The following DNAJC16 variants were observed in gnomAD, a reference collection of about 807,000 sequenced individuals.
The protein encoded by DNAJC16 is dnaJ homolog subfamily C member 16.
DNAJC16 carries 76 observed loss-of-function variants against 92.7 expected under a neutral mutation model. The ratio of observed to expected loss-of-function variants is 0.82; its 90% CI spans 0.68 to 0.99. DNAJC16 has a LOEUF of 0.99. Among genes scored for constraint, DNAJC16 ranks in the 50% least tolerant of loss-of-function variants. The pLI, the probability that DNAJC16 is intolerant of heterozygous loss-of-function variation, is 0.00. For missense variants in DNAJC16, 869 were observed against 942.4 expected (o/e 0.92, Z 1.02); for synonymous variants, 328 against 358.7 (o/e 0.91, Z 0.97).
rs1382138049 is a variant in DNAJC16, at chr1:15,567,998, G to A, written c.2170G>A (p.Gly724Arg). 1.2e-6 allele frequency: 2 copies of A among 1,614,250 alleles called. No individual in the cohort carries two copies. The highest frequency in any genetic ancestry group is 1.3e-5 in the African/African-American group (1 of 75,068). Residue 724 changes from glycine to arginine, a missense_variant, in exon 15 of 15, where the codon GGG becomes AGG. Gly to Arg is a moderately radical substitution (Grantham distance 125). Transcript: ENST00000375847. Reference protein sequence around the residue: ...QKTVEEEEAIGSCSDVDSSLY... With the variant: ...QKTVEEEEAIRSCSDVDSSLY... The stretch of plus-strand genomic sequence containing the variant: ...GACAGTCGAAGAGGAGGAAGCCATA[G>A]GGTCGTGCAGTGATGTTGACTCTTC...
At chr1:15,553,071 G>A (rs552387403) in intron 7 of DNAJC16, among the ~76,000 whole-genome samples, 14 of 151,138 alleles carry the variant, frequency 9.3e-5, no homozygotes, top group Non-Finnish European at 2.1e-4. Flanking sequence ...CGCCCGGCCT[G>A]TCTATTAAGT....
intron 1 of DNAJC16, among the ~76,000 whole-genome samples, chr1:15,528,601 A>G (rs1710578009): frequency 6.6e-6 from 1 of 152,220 alleles, no homozygotes. Flanking sequence ...TTAATGCCCA[A>G]GAATGCCACA....
At chr1:15,559,974 A>C (rs942726991) in intron 8 of DNAJC16, among the ~76,000 whole-genome samples, 1 of 151,896 alleles carries the variant, frequency 6.6e-6, no homozygotes, top group Non-Finnish European at 1.5e-5. Context: ...GAGGCAGGAG[A>C]ATCACTTGAA....
At chr1:15,534,807 C>G (rs1042296093) in intron 3 of DNAJC16, among the ~76,000 whole-genome samples, 1 of 152,166 alleles carries the variant, frequency 6.6e-6, no homozygotes, top group African/African-American at 2.4e-5. Context: ...AAAAACTGGC[C>G]TATTTTAAAG....
intron 7 of DNAJC16, among the ~76,000 whole-genome samples, chr1:15,555,475 G>C (rs1304491042): frequency 6.6e-6 from 1 of 151,752 alleles, no homozygotes; most frequent in Non-Finnish European, 1.5e-5. Context: ...ACCAGGTCAG[G>C]AGTTCGAGAC....
At chr1:15,562,608 C>T (rs1201638215) in intron 9 of DNAJC16, among the ~76,000 whole-genome samples, 1 of 151,834 alleles carries the variant, frequency 6.6e-6, no homozygotes, top group Non-Finnish European at 1.5e-5. Flanking sequence ...ACCTCAGCCT[C>T]CCACATAGCT....
Position 15,562,307 on chromosome 1 carries a change from G to A in DNAJC16, c.1320G>A (p.Ala440=), listed in dbSNP as rs199545965. 133 of 1,613,094 alleles carry A rather than the reference G, an allele frequency of 8.2e-5. No homozygotes were observed. Among genetic ancestry groups the A allele is most frequent in the Middle Eastern group, 1.7e-4 (1 of 6,052 alleles). ...ACACCTTACTACCAGACAGTGAGGC[G>A]TTTCAAGGGAAATCAGCGGTAAGCC... The part of the protein sequence containing the change: ...FADTLLPDSE[A]FQGKSAVSIL... The change falls in exon 9 of 15, where the codon GCG becomes GCA. Residue 440 remains alanine (A), a synonymous_variant. Transcript: ENST00000375847.
chr1:15,543,258 G>C (rs192088050), intron 4 of DNAJC16, among the ~76,000 whole-genome samples: 13 of 152,356 alleles, frequency 8.5e-5, no homozygotes, highest in Non-Finnish European at 1.2e-4. Context: ...TGTGGACCCT[G>C]AGTGTGGGGA....
Position 15,536,473 on chromosome 1 carries a change from A to G in DNAJC16, c.235-2A>G. On this transcript the variant is annotated splice_acceptor_variant, in intron 3 of 14. Transcript: ENST00000375847. LOFTEE classifies it high-confidence loss of function. The stretch of plus-strand genomic sequence containing the variant: ...TGTTTAGATTTTTTTCTTCCTTTAT[A>G]GATTCTTTCAAATGAAGAAAAGAGA... 6.4e-7 allele frequency: 1 copy of G among 1,569,480 alleles called. No homozygotes were observed. Among genetic ancestry groups the G allele is most frequent in the East Asian group, 2.2e-5 (1 of 44,468 alleles).
At chr1:15,547,707 G>T (rs1422580877) in intron 6 of DNAJC16, among the ~76,000 whole-genome samples, 1 of 152,156 alleles carries the variant, frequency 6.6e-6, no homozygotes, top group Admixed American at 6.5e-5. Context: ...CTCCCAAAGT[G>T]CTGGGATTAA....
intron 13 of DNAJC16, among the ~76,000 whole-genome samples, chr1:15,566,865 CAG>C (rs1638822041): frequency 6.6e-6 from 1 of 152,308 alleles, no homozygotes; most frequent in Non-Finnish European, 1.5e-5. Flanking sequence ...GCCTGGAAAA[CAG>C]AGCAAGAACC....
intron 4 of DNAJC16, among the ~76,000 whole-genome samples, chr1:15,539,341 G>C (rs1347765835): frequency 6.6e-6 from 1 of 151,784 alleles, no homozygotes. Context: ...CGCCTCCCAG[G>C]TTCACACCGT....
intron 11 of DNAJC16, among the ~76,000 whole-genome samples, chr1:15,564,811 G>A (rs1638773601): frequency 6.6e-6 from 1 of 150,604 alleles, no homozygotes; most frequent in Admixed American, 6.6e-5. Context: ...TTACAGGTGT[G>A]AACCACTGCT....
At chr1:15,563,850 A>G in intron 9 of DNAJC16, 79 bp from the exon 10 acceptor site, 1 of 925,970 alleles carries the variant, frequency 1.1e-6, no homozygotes, top group East Asian at 4.6e-5. Context: ...ACTCCGTCAA[A>G]AAAAAAAAAA....
chr1:15,544,574 G>A lies in DNAJC16; in HGVS notation c.750G>A (p.Leu250=). ...TAGAAAGTCTTCTTCCAGGGAACTT[G>A]GTGGAGAAAGTAAGTATCTGTCAAG... ...QFVESLLPGN[L]VEKVTNKNYV... is the part of the protein sequence containing the mutation. Residue 250 remains leucine, a synonymous_variant, in exon 5 of 15, where the codon TTG becomes TTA. Transcript: ENST00000375847. The A allele has an allele frequency of 6.2e-7, 1 of 1,614,050 alleles. No individual in the cohort carries two copies. The highest frequency in any genetic ancestry group is 8.5e-7 in the Non-Finnish European group (1 of 1,179,962).
rs757271127 is a variant in DNAJC16, at chr1:15,546,862, G to A, written c.855G>A (p.Leu285=). The part of the protein sequence containing the change: ...LLFDQTPIVP[L]LYKLTAFAYK... ...TTGACCAAACGCCCATTGTGCCACT[G>A]TTATACAAGGTACTTTCTATGCTAG... The change falls in exon 6 of 15, where the codon CTG becomes CTA. Residue 285 remains leucine, a synonymous_variant. Transcript: ENST00000375847. The A allele has an allele frequency of 6.3e-7, 1 of 1,598,008 alleles. No individual in the cohort carries two copies. The highest frequency in any genetic ancestry group is 1.4e-5 in the African/African-American group (1 of 73,098).
At position 15,568,288 on chromosome 1, in the gene DNAJC16, C is replaced by A; in HGVS notation, c.*111C>A. On this transcript the variant is annotated 3_prime_UTR_variant, in exon 15 of 15. Coordinates refer to ENST00000375847, the MANE Select transcript of DNAJC16 (RefSeq NM_015291.4). The stretch of plus-strand genomic sequence containing the variant: ...TGAACAGAGTATAGATTTTAGATTG[C>A]TCTTCTAGAACCATGGCTAGAAGAA... 1 of 939,804 alleles carries A rather than the reference C, an allele frequency of 1.1e-6. No homozygotes were observed. The highest frequency in any genetic ancestry group is 1.6e-6 in the Non-Finnish European group (1 of 622,472). 58.2% of individuals were successfully genotyped at this position (939,804 alleles called of 1,614,324 possible). A position where few individuals can be genotyped will look rare whatever the true frequency, so the allele number is the denominator to read the frequency against.
At chr1:15,534,792 C>T (rs10803389) in intron 3 of DNAJC16, among the ~76,000 whole-genome samples, 46,504 of 152,052 alleles carry the variant, frequency 0.31, 7,515 homozygotes, top group East Asian at 0.58. Flanking sequence ...CACTTCAGCT[C>T]TTGGAAAAAC....
chr1:15,553,769 A>G (rs1463816281), intron 7 of DNAJC16, among the ~76,000 whole-genome samples: 1 of 152,200 alleles, frequency 6.6e-6, no homozygotes, highest in Non-Finnish European at 1.5e-5. Flanking sequence ...GTTTTCTAAC[A>G]GCATAGATTC....
Sources: gnomAD v4.1 joint callset for allele counts (sites outside exome capture counted in the v4.1 genomes callset) on GRCh38, gnomAD v4.1.1 for gene constraint, MANE v1.5 for transcripts, NCBI Gene and HGNC (gene_info 2026-07-23, HGNC 2026-07-21) for gene names.